The following AACS variants were observed in gnomAD, a reference collection of about 807,000 sequenced individuals.
AACS encodes acetoacetyl-CoA synthetase.
AACS carries 69 observed loss-of-function variants against 83.1 expected under a neutral mutation model. That is an observed-to-expected ratio of 0.83 (90% CI 0.68 to 1.01). The LOEUF (loss-of-function observed/expected upper bound fraction) is 1.01. Among genes scored for constraint, AACS ranks in the 50% least tolerant of loss-of-function variants. AACS has a pLI of 0.00. For missense variants in AACS, 866 were observed against 882.2 expected (o/e 0.98, Z 0.23); for synonymous variants, 333 against 343.4 (o/e 0.97, Z 0.33).
chr12:125,124,254 G>A (rs190586099), intron 10 of AACS: 90 of 161,154 alleles, frequency 5.6e-4, no homozygotes, highest in Middle Eastern at 3.3e-3. Context: ...GTGATTGCAC[G>A]ACTGCATTCC....
At chr12:125,070,158 G>T (rs1020251317) in intron 1 of AACS, among the ~76,000 whole-genome samples, 1 of 152,194 alleles carries the variant, frequency 6.6e-6, no homozygotes, top group Non-Finnish European at 1.5e-5. Context: ...TGAAGGTGCT[G>T]TATAAACTGC....
In AACS at chr12:125,102,280, C is replaced by G. The variant is rs140433361; in HGVS notation, c.571-399C>G. The G allele has an allele frequency of 6.8e-4, 126 of 186,402 alleles. 2 individuals are homozygous for G. In the East Asian group the frequency reaches 0.015, roughly 22 times the overall value. 11.5% of individuals were successfully genotyped at this position (186,402 alleles called of 1,614,324 possible). On this transcript the variant is annotated intron_variant, in intron 5 of 17. Transcript: ENST00000316519. ...TGGCCAGCTGGTCTTGAACTCCTGA[C>G]CTCAAGTGATTCACCTGCCTCGGCC...
intron 5 of AACS, chr12:125,101,726 G>C (rs948592948): frequency 6.7e-6 from 1 of 148,226 alleles, no homozygotes; most frequent in African/African-American, 2.5e-5. Context: ...CCTTGGCATA[G>C]TGGTTGTTCT....
intron 17 of AACS, 77 bp from the exon 18 acceptor site, chr12:125,142,015 G>A (rs1426959495): frequency 1.3e-6 from 2 of 1,546,142 alleles, no homozygotes; most frequent in Non-Finnish European, 1.8e-6. Flanking sequence ...GGCCTTTGGG[G>A]CCTGGATATA....
chr12:125,137,457 C>T (rs181562256), intron 17 of AACS, among the ~76,000 whole-genome samples: 80 of 152,392 alleles, frequency 5.2e-4, no homozygotes, highest in African/African-American at 1.6e-3. Context: ...GCTGGGATTA[C>T]AGGCGTAAGC....
chr12:125,136,548 C>G, intron 16 of AACS, 114 bp from the exon 17 acceptor site: 1 of 788,888 alleles, frequency 1.3e-6, no homozygotes, highest in South Asian at 1.7e-5. Flanking sequence ...ACAGGCACCG[C>G]TGGAAGGCTT....
chr12:125,123,749 C>T (rs1468986663), intron 10 of AACS: 1 of 152,228 alleles, frequency 6.6e-6, no homozygotes, highest in Non-Finnish European at 1.5e-5. Flanking sequence ...AATCTCACAG[C>T]CTCCTCTAGG....
At position 125,065,602 on chromosome 12, in the gene AACS, C is replaced by T. The variant is rs1321121258; in HGVS notation, c.18C>T (p.Arg6=). 2 of 1,530,006 alleles carry T rather than the reference C, an allele frequency of 1.3e-6. No individual in the cohort carries two copies. The highest frequency in any genetic ancestry group is 8.8e-7 in the Non-Finnish European group (1 of 1,137,908). 94.8% of individuals were successfully genotyped at this position (1,530,006 alleles called of 1,614,324 possible). A position where few individuals can be genotyped will look rare whatever the true frequency, so the allele number is the denominator to read the frequency against. The change falls in exon 1 of 18, where the codon CGC becomes CGT. Residue 6 remains arginine, a synonymous_variant. Transcript: ENST00000316519. MSKEE[R]PGREEILECQ... ...CCGCCGCCATGTCCAAGGAGGAGCG[C>T]CCCGGTCGGGAGGAGATCCTGGAGT... is the stretch of plus-strand genomic sequence containing the variant.
At chr12:125,078,301 A>C (rs904042122) in intron 3 of AACS, 1 of 456,028 alleles carries the variant, frequency 2.2e-6, no homozygotes, top group Non-Finnish European at 4.4e-6. Flanking sequence ...TTCAAAGCCC[A>C]TGGGCACTTC....
At chr12:125,066,737 C>T (rs755265093) in intron 1 of AACS, among the ~76,000 whole-genome samples, 13 of 152,212 alleles carry the variant, frequency 8.5e-5, no homozygotes, top group Middle Eastern at 3.4e-3. Flanking sequence ...GTGTGAGCCA[C>T]GGCGCCTGGC....
At chr12:125,069,783 A>G (rs1955809143) in intron 1 of AACS, among the ~76,000 whole-genome samples, 1 of 152,218 alleles carries the variant, frequency 6.6e-6, no homozygotes, top group South Asian at 2.1e-4. Context: ...TTGCCAACAA[A>G]TAGAAGGCTT....
chr12:125,074,038 T>C, intron 2 of AACS, 59 bp downstream of exon 2: 3 of 1,414,608 alleles, frequency 2.1e-6, no homozygotes, highest in Non-Finnish European at 3.0e-6. Flanking sequence ...CAAAGTGAAA[T>C]GCTAATTTTG....
intron 3 of AACS, among the ~76,000 whole-genome samples, chr12:125,085,886 G>A (rs1485858140): frequency 6.6e-6 from 1 of 152,122 alleles, no homozygotes; most frequent in African/African-American, 2.4e-5. Context: ...TGTGATCATG[G>A]CTCACGTGAT....
rs1302691043 is a variant in AACS at position 125,136,837 on chromosome 12, C to T, written c.1854C>T (p.Ser618=). The change falls in exon 17 of 18, where the codon AGC becomes AGT. Residue 618 remains serine (S), a synonymous_variant. Transcript: ENST00000316519. ...RMGLSARHVP[S]LILETKGIPY... is the part of the protein sequence containing the mutation. ...GCTTGTCTGCGCGACACGTGCCCAG[C>T]CTCATCCTGGAAACCAAGGGCATCC... 1.9e-6 allele frequency: 3 copies of T among 1,613,528 alleles called. No individual in the cohort carries two copies. In the African/African-American group the frequency reaches 4.0e-5, roughly 22 times the overall value.
At chr12:125,070,570 A>G (rs1247665876) in intron 1 of AACS, among the ~76,000 whole-genome samples, 5 of 152,188 alleles carry the variant, frequency 3.3e-5, no homozygotes, top group Non-Finnish European at 7.3e-5. Flanking sequence ...GCTGGCCAAG[A>G]TTCTCGTAGG....
chr12:125,106,565 G>A (rs1956837850), intron 7 of AACS, among the ~76,000 whole-genome samples: 1 of 152,164 alleles, frequency 6.6e-6, no homozygotes, highest in African/African-American at 2.4e-5. Flanking sequence ...TTAGGAAATT[G>A]ACCCCACATC....
At chr12:125,137,112 C>G (rs937783210) in intron 17 of AACS, among the ~76,000 whole-genome samples, 6 of 152,244 alleles carry the variant, frequency 3.9e-5, no homozygotes, top group African/African-American at 1.4e-4. Context: ...ACTGGCTTCT[C>G]CCTGCTATCC....
At chr12:125,131,123 G>C (rs1030528221) in intron 14 of AACS, among the ~76,000 whole-genome samples, 18 of 152,198 alleles carry the variant, frequency 1.2e-4, no homozygotes, top group African/African-American at 3.9e-4. Flanking sequence ...ATGTAAACAG[G>C]CCGTGTGCTG....
chr12:125,140,029 G>A lies in AACS; in HGVS notation c.1882-2063G>A, dbSNP rs1957456880. On this transcript the variant is annotated intron_variant, in intron 17 of 17. Coordinates refer to ENST00000316519, the MANE Select transcript of AACS (RefSeq NM_023928.5). The surrounding 1 kb of genome is among the most constrained non-coding windows in gnomAD (Gnocchi z 5.1). ...CTTGCCCAAGGAAGGGGTGTCCATA[G>A]TCAGCTCTGCCTTCTGCTCACCCAG... is the stretch of plus-strand genomic sequence containing the variant. 1 of 152,218 alleles carries A rather than the reference G, an allele frequency of 6.6e-6. No individual in the cohort carries two copies. Among genetic ancestry groups the A allele is most frequent in the Non-Finnish European group, 1.5e-5 (1 of 68,072 alleles). 9.4% of individuals were successfully genotyped at this position (152,218 alleles called of 1,614,324 possible).
Sources: gnomAD v4.1 joint callset for allele counts (sites outside exome capture counted in the v4.1 genomes callset) on GRCh38, gnomAD v4.1.1 for gene constraint, Gnocchi (gnomAD v3.1) non-coding constraint, MANE v1.5 for transcripts, NCBI Gene and HGNC (gene_info 2026-07-23, HGNC 2026-07-21) for gene names.